R3HCC1L: variants seen among roughly 807,000 people sequenced by gnomAD.
R3HCC1L encodes the protein coiled-coil domain-containing protein R3HCC1L.
In R3HCC1L, 51 loss-of-function variants were observed where a neutral mutation model predicts 59.9. The ratio of observed to expected loss-of-function variants is 0.85; its 90% CI spans 0.68 to 1.07. The LOEUF (loss-of-function observed/expected upper bound fraction) is 1.07, where lower values mean the gene tolerates loss of function less well. Among genes scored for constraint, R3HCC1L ranks in the 50% least tolerant of loss-of-function variants. The probability of loss-of-function intolerance (pLI) is 0.00; values close to 1 mark genes in which losing one functional copy is unlikely to be tolerated. For synonymous variants in R3HCC1L, 322 were observed against 315.2 expected (o/e 1.02, Z -0.23); for missense variants, 965 against 933.0 (o/e 1.03, Z -0.45).
At position 98,209,448 on chromosome 10, in the gene R3HCC1L, A is replaced by G. The variant is rs144983345; in HGVS notation, c.1334A>G (p.Asp445Gly). 5.5e-4 allele frequency: 882 copies of G among 1,613,564 alleles called. 2 individuals carry two copies. Among genetic ancestry groups the G allele is most frequent in the South Asian group, 9.9e-4 (90 of 91,066 alleles). ...TTCAGCAACCCTTCTGCTTGCTCAG[A>G]TATTTATGGTGAGAGTATTTCATCT... is the stretch of plus-strand genomic sequence containing the variant. ...EDFSNPSACSDIYGESISSHF... is the reference protein window; with the variant it reads ...EDFSNPSACSGIYGESISSHF... The change falls in exon 5 of 10, where the codon GAT becomes GGT. Residue 445 changes from aspartate (D) to glycine (G), a missense_variant. By Grantham distance (94) the Asp-to-Gly change is moderately conservative. Coordinates refer to ENST00000298999, the MANE Select transcript of R3HCC1L (RefSeq NM_001351015.2).
intron 4 of R3HCC1L, among the ~76,000 whole-genome samples, chr10:98,182,827 T>C (rs530063308): frequency 1.2e-3 from 181 of 152,236 alleles, no homozygotes; most frequent in Non-Finnish European, 1.8e-3. Flanking sequence ...GGCTCCGTGG[T>C]TGTGGGACTT....
chr10:98,196,891 C>G (rs1354037698), intron 4 of R3HCC1L, among the ~76,000 whole-genome samples: 1 of 152,102 alleles, frequency 6.6e-6, no homozygotes, highest in Non-Finnish European at 1.5e-5. Flanking sequence ...TAATTCTGGC[C>G]CTTAGCTGTC....
At chr10:98,151,130 G>T (rs1846118440) in intron 1 of R3HCC1L, among the ~76,000 whole-genome samples, 1 of 152,162 alleles carries the variant, frequency 6.6e-6, no homozygotes, top group East Asian at 1.9e-4. Flanking sequence ...GATATTGCTT[G>T]TGATAATCTC....
In R3HCC1L at chr10:98,234,476, T is replaced by G; in HGVS notation, c.1992T>G (p.Asp664Glu). 2 of 1,613,528 alleles carry G rather than the reference T, an allele frequency of 1.2e-6. No individual in the cohort carries two copies. The highest frequency in any genetic ancestry group is 1.7e-6 in the Non-Finnish European group (2 of 1,179,720). The change falls in exon 7 of 10, where the codon GAT becomes GAG. Residue 664 changes from aspartate (D) to glutamate (E), a missense_variant. Transcript: ENST00000298999. ...QKKGFDIKWVDDTHALGVFSS... is the reference protein window; with the variant it reads ...QKKGFDIKWVEDTHALGVFSS... Reference sequence around the variant, plus strand: ...AAGGATTTGATATTAAATGGGTGGATGATACACATGCCCTAGGAGTATTCT... The same window carrying G: ...AAGGATTTGATATTAAATGGGTGGAGGATACACATGCCCTAGGAGTATTCT...
chr10:98,148,909 C>T (rs1845902521), intron 1 of R3HCC1L, among the ~76,000 whole-genome samples: 1 of 151,898 alleles, frequency 6.6e-6, no homozygotes, highest in African/African-American at 2.4e-5. Context: ...GAAGTATTCC[C>T]TCTCCTTCAG....
chr10:98,216,055 C>T (rs1854162838), intron 5 of R3HCC1L, among the ~76,000 whole-genome samples: 2 of 152,042 alleles, frequency 1.3e-5, no homozygotes, highest in South Asian at 4.1e-4. Context: ...TTGTCACTAT[C>T]AGAAGTTTAG....
intron 5 of R3HCC1L, among the ~76,000 whole-genome samples, chr10:98,210,415 A>T (rs1403040235): frequency 6.6e-6 from 1 of 152,236 alleles, no homozygotes; most frequent in Non-Finnish European, 1.5e-5. Flanking sequence ...TTTAGCATAA[A>T]TAGAAGATGT....
chr10:98,233,312 A>C (rs781333411), intron 6 of R3HCC1L, among the ~76,000 whole-genome samples: 41 of 152,222 alleles, frequency 2.7e-4, no homozygotes, highest in Non-Finnish European at 5.6e-4. Flanking sequence ...AACATTCCCC[A>C]AAGAGAAAAA....
rs775501969 is a variant in R3HCC1L at position 98,208,187 on chromosome 10, C to A, written c.73C>A (p.Arg25Ser). 18 of 1,613,582 alleles carry A rather than the reference C, an allele frequency of 1.1e-5. No individual in the cohort carries two copies. The East Asian group carries it at 3.8e-4, about 34-fold the overall frequency. ...PDMALYVPKA[R>S]RGAVLLKTGD... ...CATGGCACTTTATGTACCTAAAGCT[C>A]GTAGGGGTGCAGTACTCCTTAAGAC... Residue 25 changes from arginine (R) to serine (S), a missense_variant, in exon 5 of 10, where the codon CGT becomes AGT. Physicochemically the swap from Arg to Ser is moderately radical, Grantham distance 110. Coordinates refer to ENST00000298999, the MANE Select transcript of R3HCC1L (RefSeq NM_001351015.2).
intron 4 of R3HCC1L, among the ~76,000 whole-genome samples, chr10:98,198,317 T>C (rs1851668766): frequency 6.6e-6 from 1 of 152,140 alleles, no homozygotes; most frequent in Non-Finnish European, 1.5e-5. Context: ...ACAAACATAC[T>C]AAATTTGTCT....
At position 98,242,310 on chromosome 10, in the gene R3HCC1L, C is replaced by G. The variant is rs572875184; in HGVS notation, c.2270-1781C>G. ...GTTGCAGTAAGCCAAGATCACACCA[C>G]TGCACTCCACCCTGGGTGACAGAGC... On this transcript the variant is annotated intron_variant, in intron 9 of 9. Coordinates refer to ENST00000298999, the MANE Select transcript of R3HCC1L (RefSeq NM_001351015.2). 6.6e-5 allele frequency among the ~76,000 whole-genome samples: 10 copies of G among 152,294 alleles called. No individual in the cohort carries two copies. In the East Asian group the frequency reaches 1.9e-3, roughly 29 times the overall value.
At chr10:98,193,935 T>G (rs1851128890) in intron 4 of R3HCC1L, among the ~76,000 whole-genome samples, 1 of 152,128 alleles carries the variant, frequency 6.6e-6, no homozygotes, top group Admixed American at 6.5e-5. Flanking sequence ...GTCAGAACAA[T>G]CTCTGTCAAA....
intron 5 of R3HCC1L, among the ~76,000 whole-genome samples, chr10:98,226,626 A>G (rs990491629): frequency 6.6e-6 from 1 of 152,234 alleles, no homozygotes; most frequent in Non-Finnish European, 1.5e-5. Context: ...ACAAAGTTGG[A>G]GGACTCAGGC....
In R3HCC1L at chr10:98,231,640, C is replaced by T. The variant is rs758264469; in HGVS notation, c.1914C>T (p.Pro638=). ...FPHVIEIYDF[P]QEFHTEDLLR... ...ATGTCATTGAAATTTATGACTTTCC[C>T]CAAGAATTTCATACTGAAGACCTTC... The change falls in exon 6 of 10, where the codon CCC becomes CCT. Residue 638 remains proline (P), a synonymous_variant. Coordinates refer to ENST00000298999, the MANE Select transcript of R3HCC1L (RefSeq NM_001351015.2). The T allele has an allele frequency of 6.2e-7, 1 of 1,612,456 alleles. No homozygotes were observed.
intron 4 of R3HCC1L, among the ~76,000 whole-genome samples, chr10:98,182,122 G>C (rs1849698565): frequency 1.3e-5 from 2 of 152,170 alleles, no homozygotes. Context: ...CAGCTTTTCT[G>C]CTCTGGTTTC....
chr10:98,201,104 A>G (rs1851995328), intron 4 of R3HCC1L, among the ~76,000 whole-genome samples: 1 of 152,084 alleles, frequency 6.6e-6, no homozygotes, highest in African/African-American at 2.4e-5. Context: ...AATGTTCCAT[A>G]TTTTTCCATT....
intron 4 of R3HCC1L, among the ~76,000 whole-genome samples, chr10:98,170,905 G>A (rs773211001): frequency 6.6e-6 from 1 of 152,218 alleles, no homozygotes; most frequent in Non-Finnish European, 1.5e-5. Context: ...GAGAAGAAAG[G>A]AATAGAGGTA....
intron 4 of R3HCC1L, among the ~76,000 whole-genome samples, chr10:98,173,310 G>T (rs1848691800): frequency 1.3e-5 from 2 of 152,042 alleles, no homozygotes; most frequent in South Asian, 4.1e-4. Flanking sequence ...CATGTTGCCT[G>T]TCCTGGTACC....
At chr10:98,239,372 A>G (rs1486233885) in intron 9 of R3HCC1L, among the ~76,000 whole-genome samples, 1 of 152,228 alleles carries the variant, frequency 6.6e-6, no homozygotes, top group East Asian at 1.9e-4. Context: ...TATCAGAATT[A>G]GCATGGGAAT....
Sources: gnomAD v4.1 joint callset for allele counts (sites outside exome capture counted in the v4.1 genomes callset) on GRCh38, gnomAD v4.1.1 for gene constraint, MANE v1.5 for transcripts, NCBI Gene and HGNC (gene_info 2026-07-23, HGNC 2026-07-21) for gene names.